Variants in TRAK1 observed in about 807,000 individuals in gnomAD.
The protein encoded by TRAK1 is trafficking kinesin protein 1.
A neutral mutation model predicts 92.1 loss-of-function variants in TRAK1; 33 were observed. The observed-to-expected ratio is 0.36, with a 90% CI of 0.27 to 0.48. The LOEUF (loss-of-function observed/expected upper bound fraction) is 0.48, where lower values mean the gene tolerates loss of function less well. TRAK1 is among the 20% of genes least tolerant of loss of function. The pLI is 0.99. For synonymous variants in TRAK1, 521 were observed against 517.3 expected (o/e 1.01, Z -0.10); for missense variants, 1,123 against 1,257.9 (o/e 0.89, Z 1.62).
At chr3:42,151,290 G>A in intron 2 of TRAK1, 1 of 454,804 alleles carries the variant, frequency 2.2e-6, no homozygotes, top group Non-Finnish European at 4.4e-6. Context: ...GTGAGCGGAG[G>A]CCTGCTCTTA....
At chr3:42,048,566 CTT>C (rs373744402) in intron 1 of TRAK1, among the ~76,000 whole-genome samples, 17 of 136,516 alleles carry the variant, frequency 1.2e-4, no homozygotes, top group Admixed American at 2.2e-4. Flanking sequence ...CAGTTCTTTT[CTT>C]TTTTTTTTTT....
chr3:42,140,665 T>C (rs1046545290), intron 2 of TRAK1, among the ~76,000 whole-genome samples: 2 of 152,192 alleles, frequency 1.3e-5, no homozygotes, highest in Non-Finnish European at 2.9e-5. Flanking sequence ...AAGAGAACTC[T>C]GCAGAAAGAA....
Position 42,222,975 on chromosome 3 carries a change from C to T in TRAK1, c.2100C>T (p.Ser700=), listed in dbSNP as rs762209663. The T allele has an allele frequency of 1.2e-6, 2 of 1,613,972 alleles. No individual in the cohort carries two copies. Among genetic ancestry groups the T allele is most frequent in the Admixed American group, 1.7e-5 (1 of 60,028 alleles). The change falls in exon 16 of 16, where the codon AGC becomes AGT. Residue 700 remains serine, a synonymous_variant. Coordinates refer to ENST00000327628, the MANE Select transcript of TRAK1 (RefSeq NM_001042646.3). The part of the protein sequence containing the change: ...LNSAPTPACG[S]TSHLKSTPVA... ...CAGCCCCAACTCCAGCTTGTGGCAG[C>T]ACCAGCCACTTGAAATCCACGCCGG... is the stretch of plus-strand genomic sequence containing the variant.
rs749925292 is a variant in TRAK1 at position 42,209,992 on chromosome 3, G to C, written c.1963+7G>C. On this transcript the variant is annotated splice_region_variant and intron_variant, in intron 14 of 15. Coordinates refer to ENST00000327628, the MANE Select transcript of TRAK1 (RefSeq NM_001042646.3). ...CAGCACCCAGAGACCTCAGGTGAGA[G>C]GTCCCAAGCACGTGTGACTGTCTCA... 1.4e-5 allele frequency: 23 copies of C among 1,614,216 alleles called. No homozygotes were observed. The highest frequency in any genetic ancestry group is 1.9e-5 in the Non-Finnish European group (23 of 1,180,044).
intron 1 of TRAK1, among the ~76,000 whole-genome samples, chr3:42,108,084 A>C (rs536896128): frequency 6.6e-6 from 1 of 152,108 alleles, no homozygotes; most frequent in Non-Finnish European, 1.5e-5. Context: ...ATTTTGCAGC[A>C]GGGGAGGCTA....
intron 1 of TRAK1, among the ~76,000 whole-genome samples, chr3:42,022,644 C>T (rs1701761084): frequency 6.6e-6 from 1 of 151,784 alleles, no homozygotes; most frequent in African/African-American, 2.4e-5. Flanking sequence ...ATCGCTTGAG[C>T]CCAGGAGGCA....
chr3:42,182,520 T>G (rs1203192721), intron 3 of TRAK1, among the ~76,000 whole-genome samples: 4 of 152,136 alleles, frequency 2.6e-5, no homozygotes, highest in African/African-American at 7.2e-5. Flanking sequence ...CTCAAACTCC[T>G]GACCTCAAGT....
chr3:42,095,455 G>C (rs183034099), intron 1 of TRAK1, among the ~76,000 whole-genome samples: 1 of 152,050 alleles, frequency 6.6e-6, no homozygotes, highest in Admixed American at 6.6e-5. Flanking sequence ...ACACATGCAC[G>C]TGGTAAAACT....
At chr3:42,084,063 G>T (rs1296829195), upstream of TRAK1, among the ~76,000 whole-genome samples, 1 of 151,352 alleles carries the variant, frequency 6.6e-6, no homozygotes, top group Non-Finnish European at 1.5e-5. Flanking sequence ...ATTTTGTCTG[G>T]GTCTTGGTGT....
chr3:42,210,411 A>G, intron 14 of TRAK1: 3 of 1,289,054 alleles, frequency 2.3e-6, no homozygotes, highest in East Asian at 5.6e-5. Context: ...GCTAAAAAAA[A>G]AAAAAAAAAA....
Position 42,079,601 on chromosome 3 carries a change from T to C in TRAK1, c.-518-7503T>C, listed in dbSNP as rs184471689. ...TTCAAGCAATTCTCCTGCCTCAACCTCCCGAGTAGCTGGGACTACAGGCGC... is the reference window on the plus strand; with the variant it reads ...TTCAAGCAATTCTCCTGCCTCAACCCCCCGAGTAGCTGGGACTACAGGCGC... On this transcript the variant is annotated intron_variant, in intron 1 of 16. Transcript: ENST00000487159. Among the ~76,000 whole-genome samples, 251 of 150,174 alleles carry C rather than the reference T, an allele frequency of 1.7e-3. 2 individuals are homozygous for C. In the Middle Eastern group the frequency reaches 0.021, roughly 12 times the overall value.
At chr3:42,039,074 A>C (rs1702437487) in intron 1 of TRAK1, among the ~76,000 whole-genome samples, 1 of 152,136 alleles carries the variant, frequency 6.6e-6, no homozygotes, top group Non-Finnish European at 1.5e-5. Flanking sequence ...TTAGCAGTCA[A>C]TAGTCAATCC....
intron 2 of TRAK1, among the ~76,000 whole-genome samples, chr3:42,135,864 C>T (rs1446542581): frequency 6.6e-6 from 1 of 152,186 alleles, no homozygotes; most frequent in East Asian, 1.9e-4. Flanking sequence ...ACGTTTCTCT[C>T]TACTGCCTGA....
Position 42,222,584 on chromosome 3 carries a change from G to A in TRAK1, c.2067-358G>A, listed in dbSNP as rs909007172. The stretch of plus-strand genomic sequence containing the variant: ...TCTTTGCCAAAGGGCTTCCTTTCCC[G>A]TTCTCTAACAGATTTAGAGTCCCTC... On this transcript the variant is annotated intron_variant, in intron 15 of 15. Transcript: ENST00000327628. Among the ~76,000 whole-genome samples the A allele has an allele frequency of 5.9e-5, 9 of 152,318 alleles. 1 individual carries two copies. In the South Asian group the frequency reaches 8.3e-4, roughly 14 times the overall value.
intron 2 of TRAK1, chr3:42,149,466 G>T: frequency 6.5e-7 from 1 of 1,534,440 alleles, no homozygotes; most frequent in Non-Finnish European, 8.7e-7. Flanking sequence ...GGGCGGGGAG[G>T]CATGGCAGCG....
chr3:42,118,212 G>A (rs1272611036), intron 1 of TRAK1, among the ~76,000 whole-genome samples: 2 of 151,910 alleles, frequency 1.3e-5, no homozygotes, highest in Admixed American at 1.3e-4. Context: ...AGCCTCCCAA[G>A]TAGCTGGGAT....
intron 2 of TRAK1, among the ~76,000 whole-genome samples, chr3:42,157,418 A>C (rs1485171111): frequency 1.5e-5 from 2 of 132,942 alleles, no homozygotes; most frequent in African/African-American, 2.8e-5. Flanking sequence ...TGATCATACT[A>C]CTGCAGTCCA....
intron 10 of TRAK1, among the ~76,000 whole-genome samples, chr3:42,196,171 C>A (rs904313305): frequency 2.6e-5 from 4 of 152,154 alleles, no homozygotes; most frequent in African/African-American, 9.7e-5. Context: ...TTGGCACAGC[C>A]CAGTTTTTGA....
chr3:42,192,553 A>T lies in TRAK1; in HGVS notation c.770-522A>T, dbSNP rs367896151. ...TATTTTGCATTTCAGCAAAATAATG[A>T]TGAAACACACCTCATGTTCAAATCT... is the stretch of plus-strand genomic sequence containing the variant. On this transcript the variant is annotated intron_variant, in intron 7 of 15. Transcript: ENST00000327628. Among the ~76,000 whole-genome samples the T allele has an allele frequency of 3.3e-5, 5 of 152,318 alleles. No homozygotes were observed. The South Asian group carries it at 1.0e-3, about 32-fold the overall frequency.
Sources: gnomAD v4.1 joint callset for allele counts (sites outside exome capture counted in the v4.1 genomes callset) on GRCh38, gnomAD v4.1.1 for gene constraint, MANE v1.5 for transcripts, NCBI Gene and HGNC (gene_info 2026-07-23, HGNC 2026-07-21) for gene names.